CENPH: variants seen among roughly 807,000 people sequenced by gnomAD.
The protein encoded by CENPH is CENP-H.
In CENPH, 40 loss-of-function variants were observed where a neutral mutation model predicts 42.9. The observed-to-expected ratio is 0.93, with a 90% CI of 0.72 to 1.21. The LOEUF (loss-of-function observed/expected upper bound fraction) is 1.21. Ranked by LOEUF, CENPH falls within the 50% of genes most tolerant of loss-of-function variation. CENPH has a pLI of 0.00. For missense variants in CENPH, 302 were observed against 292.9 expected (o/e 1.03, Z -0.23); for synonymous variants, 88 against 96.5 (o/e 0.91, Z 0.52).
intron 2 of CENPH, among the ~76,000 whole-genome samples, chr5:69,192,938 A>C (rs1279183086): frequency 1.3e-5 from 2 of 151,962 alleles, no homozygotes; most frequent in Non-Finnish European, 2.9e-5. Flanking sequence ...CTCTACTAAA[A>C]ATACAAAATT....
chr5:69,201,173 G>A (rs1468323654), intron 5 of CENPH, among the ~76,000 whole-genome samples: 4 of 151,982 alleles, frequency 2.6e-5, no homozygotes, highest in Non-Finnish European at 5.9e-5. Context: ...CTTACTTAAC[G>A]AACCTCCCAG....
intron 1 of CENPH, among the ~76,000 whole-genome samples, 185 bp downstream of exon 1, chr5:69,189,953 GGA>G (rs752163449): frequency 2.0e-5 from 3 of 152,192 alleles, no homozygotes; most frequent in Admixed American, 6.5e-5. Flanking sequence ...ATGACCCCCT[GGA>G]GAGAGGTTAC....
intron 7 of CENPH, among the ~76,000 whole-genome samples, chr5:69,204,062 AAT>A (rs1491281182): frequency 2.0e-5 from 1 of 50,570 alleles, no homozygotes; most frequent in Non-Finnish European, 3.8e-5. Context: ...TATATATATA[AAT>A]ATATATAATA....
At chr5:69,201,372 A>G (rs1748057273) in intron 5 of CENPH, among the ~76,000 whole-genome samples, 1 of 152,182 alleles carries the variant, frequency 6.6e-6, no homozygotes, top group South Asian at 2.1e-4. Context: ...TTTCTCCACT[A>G]GATTCTTTCC....
At chr5:69,189,817 CG>C (rs1747834330) in intron 1 of CENPH, 49 bp downstream of exon 1, 1 of 1,415,154 alleles carries the variant, frequency 7.1e-7, no homozygotes, top group Non-Finnish European at 9.2e-7. Flanking sequence ...CGTTGTGGCC[CG>C]GAACTCCGCC....
chr5:69,193,213 A>G (rs950741702), intron 2 of CENPH, among the ~76,000 whole-genome samples: 5 of 151,924 alleles, frequency 3.3e-5, no homozygotes, highest in Admixed American at 6.6e-5. Context: ...GTATATGTAT[A>G]TATATGTGAC....
chr5:69,209,923 G>A lies in CENPH; in HGVS notation c.*124G>A. The A allele has an allele frequency of 1.8e-6, 1 of 547,860 alleles. No individual in the cohort carries two copies. The highest frequency in any genetic ancestry group is 2.9e-5 in the South Asian group (1 of 34,552). The allele number at this position is 547,860 out of a possible 1,614,324, so 33.9% of individuals were successfully genotyped here. On this transcript the variant is annotated 3_prime_UTR_variant, in exon 9 of 9. Coordinates refer to ENST00000283006, the MANE Select transcript of CENPH (RefSeq NM_022909.4). The stretch of plus-strand genomic sequence containing the variant: ...CATATCCATAACGTTTACAGTTGTA[G>A]TACAGTTGTGGTTAGTTATTTGTAG...
chr5:69,195,704 G>T lies in CENPH; in HGVS notation c.240-13G>T. The T allele has an allele frequency of 6.8e-7, 1 of 1,465,024 alleles. No homozygotes were observed. Among genetic ancestry groups the T allele is most frequent in the Non-Finnish European group, 9.5e-7 (1 of 1,055,702 alleles). 90.8% of individuals were successfully genotyped at this position (1,465,024 alleles called of 1,614,324 possible). A position where few individuals can be genotyped will look rare whatever the true frequency, so the allele number is the denominator to read the frequency against. On this transcript the variant is annotated splice_polypyrimidine_tract_variant and intron_variant, in intron 3 of 8. Transcript: ENST00000283006. The stretch of plus-strand genomic sequence containing the variant: ...ATATTGCTGAAATTCTTTTGCTCAT[G>T]TTTCTTTGATAGTAAAATTGAAGAC...
rs1334594972 is a variant in CENPH at position 69,190,342 on chromosome 5, T to C, written c.134+574T>C. ...CCACTCAAGCTAAGAATAGTTTTTA[T>C]GTTTAAGTGTTGCAGGGAAAAGATC... On this transcript the variant is annotated intron_variant, in intron 1 of 8. Coordinates refer to ENST00000283006, the MANE Select transcript of CENPH (RefSeq NM_022909.4). Among the ~76,000 whole-genome samples the C allele has an allele frequency of 3.9e-5, 6 of 152,206 alleles. 1 individual carries two copies. Among genetic ancestry groups the C allele is most frequent in the Non-Finnish European group, 8.8e-5 (6 of 68,040 alleles).
intron 2 of CENPH, among the ~76,000 whole-genome samples, chr5:69,192,369 C>T (rs973768579): frequency 1.3e-5 from 2 of 152,070 alleles, no homozygotes; most frequent in African/African-American, 4.8e-5. Flanking sequence ...TTTTTGTTCT[C>T]TATATAGCTA....
At chr5:69,191,405 G>A (rs1747869347) in intron 1 of CENPH, among the ~76,000 whole-genome samples, 1 of 152,136 alleles carries the variant, frequency 6.6e-6, no homozygotes, top group South Asian at 2.1e-4. Flanking sequence ...CCAGCTGCTT[G>A]GGAGCCTGAG....
chr5:69,202,475 T>C, intron 5 of CENPH, 31 bp from the exon 6 acceptor site: 1 of 1,292,674 alleles, frequency 7.7e-7, no homozygotes, highest in Non-Finnish European at 1.1e-6. Context: ...ACAAATAACC[T>C]TAATAAATCA....
rs759391835 is a variant in CENPH, at chr5:69,195,678, G to C, written c.240-39G>C. ...ATTTATTTCAATAATGTCTTTTTCT[G>C]ATATTGCTGAAATTCTTTTGCTCAT... On this transcript the variant is annotated intron_variant, in intron 3 of 8. Coordinates refer to ENST00000283006, the MANE Select transcript of CENPH (RefSeq NM_022909.4). The C allele has an allele frequency of 1.6e-5, 18 of 1,142,804 alleles. 1 individual carries two copies. The highest frequency in any genetic ancestry group is 2.3e-5 in the Non-Finnish European group (18 of 766,830). 70.8% of individuals were successfully genotyped at this position (1,142,804 alleles called of 1,614,324 possible).
chr5:69,206,693 A>T (rs1748165666), intron 7 of CENPH, among the ~76,000 whole-genome samples: 1 of 151,602 alleles, frequency 6.6e-6, no homozygotes, highest in African/African-American at 2.4e-5. Flanking sequence ...GACGGGTTTC[A>T]TCATGTTGGC....
At position 69,209,910 on chromosome 5, in the gene CENPH, G is replaced by A. The variant is rs1173062042; in HGVS notation, c.*111G>A. The A allele has an allele frequency of 7.9e-6, 5 of 631,694 alleles. No homozygotes were observed. Among genetic ancestry groups the A allele is most frequent in the Admixed American group, 2.9e-5 (1 of 34,548 alleles). The allele number at this position is 631,694 out of a possible 1,614,324, so 39.1% of individuals were successfully genotyped here. A position where few individuals can be genotyped will look rare whatever the true frequency, so the allele number is the denominator to read the frequency against. On this transcript the variant is annotated 3_prime_UTR_variant, in exon 9 of 9. Coordinates refer to ENST00000283006, the MANE Select transcript of CENPH (RefSeq NM_022909.4). ...AATTTTAGAAAAGCATATCCATAAC[G>A]TTTACAGTTGTAGTACAGTTGTGGT...
chr5:69,197,103 A>T lies in CENPH; in HGVS notation c.365A>T (p.Gln122Leu), dbSNP rs1414432425. Reference sequence around the variant, plus strand: ...AAAAACCTGGAGAAAATTAGCAGACAGTCTAGGTATGATTTTTTTTTTCTC... The same window carrying T: ...AAAAACCTGGAGAAAATTAGCAGACTGTCTAGGTATGATTTTTTTTTTCTC... ...LKKNLEKISR[Q>L]SSVLMDNMKH... The change falls in exon 5 of 9, where the codon CAG becomes CTG. Residue 122 changes from glutamine (Q) to leucine (L), a missense_variant. Gln to Leu is a moderately radical substitution (Grantham distance 113). Coordinates refer to ENST00000283006, the MANE Select transcript of CENPH (RefSeq NM_022909.4). 1 of 1,568,562 alleles carries T rather than the reference A, an allele frequency of 6.4e-7. No individual in the cohort carries two copies. The highest frequency in any genetic ancestry group is 2.3e-5 in the East Asian group (1 of 43,242).
intron 7 of CENPH, among the ~76,000 whole-genome samples, chr5:69,204,058 TATAA>T (rs1748106334): frequency 1.8e-5 from 2 of 112,996 alleles, no homozygotes; most frequent in South Asian, 6.1e-4. Context: ...ATATTATATA[TATAA>T]ATATATATAA....
At chr5:69,190,717 C>T (rs1282989051) in intron 1 of CENPH, among the ~76,000 whole-genome samples, 3 of 152,130 alleles carry the variant, frequency 2.0e-5, no homozygotes, top group African/African-American at 4.8e-5. Context: ...TGGTGAAACC[C>T]CGTCTCTACT....
intron 2 of CENPH, among the ~76,000 whole-genome samples, chr5:69,193,096 TCAAAAA>T (rs1489073636): frequency 2.0e-5 from 3 of 151,476 alleles, no homozygotes; most frequent in East Asian, 3.9e-4. Context: ...AAACTCCGTC[TCAAAAA>T]CAAAAACAAA....
Sources: allele counts gnomAD v4.1 joint callset (sites outside exome capture counted in the v4.1 genomes callset), GRCh38; gene constraint gnomAD v4.1.1; transcripts MANE v1.5; gene names NCBI Gene and HGNC (gene_info 2026-07-23, HGNC 2026-07-21).